GABRR3: variants seen among roughly 807,000 people sequenced by gnomAD.
GABRR3 encodes gamma-aminobutyric acid receptor subunit rho-3.
A neutral mutation model predicts 43.2 loss-of-function variants in GABRR3; 29 were observed. That is an observed-to-expected ratio of 0.67 (90% CI 0.50 to 0.92). The LOEUF (loss-of-function observed/expected upper bound fraction) is 0.92, where lower values mean the gene tolerates loss of function less well. GABRR3 is among the 40% of genes least tolerant of loss of function. The probability of loss-of-function intolerance (pLI) is 0.00; values close to 1 mark genes in which losing one functional copy is unlikely to be tolerated. For synonymous variants in GABRR3, 206 were observed against 195.9 expected (o/e 1.05, Z -0.43); for missense variants, 576 against 572.3 (o/e 1.01, Z -0.07).
chr3:98,031,335 T>A (rs575705599), intron 2 of GABRR3, among the ~76,000 whole-genome samples: 1 of 152,130 alleles, frequency 6.6e-6, no homozygotes, highest in Non-Finnish European at 1.5e-5. Context: ...CAGACATTTT[T>A]AAAAAATGGT....
At chr3:98,007,125 A>T (rs1269144184) in intron 7 of GABRR3, among the ~76,000 whole-genome samples, 3 of 152,138 alleles carry the variant, frequency 2.0e-5, no homozygotes, top group Admixed American at 6.5e-5. Flanking sequence ...AGGTGATGGT[A>T]AGTGCTGTGA....
At chr3:98,023,833 C>G (rs1706980584) in intron 3 of GABRR3, among the ~76,000 whole-genome samples, 1 of 152,190 alleles carries the variant, frequency 6.6e-6, no homozygotes, top group African/African-American at 2.4e-5. Flanking sequence ...ACAGTGATCA[C>G]CTAATACAGC....
At chr3:98,020,687 G>C (rs554521651) in intron 3 of GABRR3, among the ~76,000 whole-genome samples, 1 of 151,966 alleles carries the variant, frequency 6.6e-6, no homozygotes. Context: ...TTTGAAGGCT[G>C]ATCTGAGATC....
chr3:98,027,344 A>G (rs1445150385), intron 2 of GABRR3, among the ~76,000 whole-genome samples: 1 of 152,248 alleles, frequency 6.6e-6, no homozygotes, highest in African/African-American at 2.4e-5. Context: ...AGAAAATAGT[A>G]GACATTTAAT....
chr3:98,006,720 T>C (rs528394382), intron 7 of GABRR3, among the ~76,000 whole-genome samples: 6 of 152,288 alleles, frequency 3.9e-5, no homozygotes, highest in Non-Finnish European at 7.4e-5. Flanking sequence ...TTTATATGGA[T>C]TCGGCCTAAA....
chr3:98,002,557 A>G (rs1019269737), intron 7 of GABRR3, among the ~76,000 whole-genome samples: 1 of 152,178 alleles, frequency 6.6e-6, no homozygotes, highest in African/African-American at 2.4e-5. Context: ...ACCAGGATAT[A>G]TATAATACCT....
chr3:98,013,139 CATAT>C (rs1576044576), intron 4 of GABRR3, among the ~76,000 whole-genome samples: 1 of 152,156 alleles, frequency 6.6e-6, no homozygotes, highest in East Asian at 1.9e-4. Context: ...AGATAGAAAG[CATAT>C]TGTGAAATGG....
At chr3:98,020,709 A>G (rs540281291) in intron 3 of GABRR3, among the ~76,000 whole-genome samples, 1 of 152,234 alleles carries the variant, frequency 6.6e-6, no homozygotes, top group African/African-American at 2.4e-5. Context: ...GGGTTAAAAC[A>G]TAGCTTGTCT....
intron 4 of GABRR3, among the ~76,000 whole-genome samples, chr3:98,016,054 G>A (rs763500329): frequency 1.3e-5 from 2 of 152,106 alleles, no homozygotes; most frequent in Non-Finnish European, 2.9e-5. Flanking sequence ...ATGTGCAGGG[G>A]AAACTGCCAC....
intron 2 of GABRR3, 36 bp from the exon 3 acceptor site, chr3:98,025,715 T>A: frequency 7.4e-7 from 1 of 1,342,968 alleles, no homozygotes; most frequent in South Asian, 1.3e-5. Context: ...ACTTCTGAGA[T>A]ACATATGCTT....
At chr3:98,008,255 A>T (rs1302989241) in intron 6 of GABRR3, among the ~76,000 whole-genome samples, 2 of 152,144 alleles carry the variant, frequency 1.3e-5, no homozygotes, top group Non-Finnish European at 2.9e-5. Context: ...CACAGGCCTG[A>T]CTCCAGGCTG....
intron 2 of GABRR3, among the ~76,000 whole-genome samples, chr3:98,029,523 G>A (rs1405911402): frequency 6.6e-6 from 1 of 152,022 alleles, no homozygotes; most frequent in Non-Finnish European, 1.5e-5. Context: ...TTTATAAGTG[G>A]AATGATAAAA....
intron 4 of GABRR3, 84 bp downstream of exon 4, chr3:98,017,571 T>C (rs970763486): frequency 1.1e-6 from 1 of 920,272 alleles, no homozygotes; most frequent in Non-Finnish European, 1.7e-6. Flanking sequence ...ATAATTAAAA[T>C]GATTTATTAA....
In GABRR3 at chr3:97,997,350, A is replaced by G. The variant is rs1427910358; in HGVS notation, c.907+4265T>C. Reference sequence around the variant, plus strand: ...GAAATCCCAAAAGATCAAAATCTCTAAAGTCTAAAATTCTAAAAATCACAG... The same window carrying G: ...GAAATCCCAAAAGATCAAAATCTCTGAAGTCTAAAATTCTAAAAATCACAG... On this transcript the variant is annotated intron_variant, in intron 8 of 9. Transcript: ENST00000621172. The G allele has an allele frequency of 4.6e-5, 7 of 152,320 alleles. No homozygotes were observed. The South Asian group carries it at 6.2e-4, about 14-fold the overall frequency. The allele number at this position is 152,320 out of a possible 1,614,324, so 9.4% of individuals were successfully genotyped here. A position where few individuals can be genotyped will look rare whatever the true frequency, so the allele number is the denominator to read the frequency against.
At chr3:97,988,988 TTGG>T (rs1559772432) in intron 9 of GABRR3, among the ~76,000 whole-genome samples, 2 of 140,736 alleles carry the variant, frequency 1.4e-5, no homozygotes, top group African/African-American at 2.7e-5. Flanking sequence ...GTGGTCATGG[TTGG>T]TGGTGTTGGT....
At chr3:98,013,799 G>T (rs769569524) in intron 4 of GABRR3, among the ~76,000 whole-genome samples, 2 of 152,210 alleles carry the variant, frequency 1.3e-5, no homozygotes, top group South Asian at 2.1e-4. Context: ...AATTGTGTGG[G>T]TTACTGCACA....
intron 4 of GABRR3, among the ~76,000 whole-genome samples, chr3:98,016,101 A>G (rs1391593840): frequency 6.6e-6 from 1 of 152,022 alleles, no homozygotes; most frequent in Non-Finnish European, 1.5e-5. Flanking sequence ...CTCTTTCACT[A>G]TCACAAGAAC....
intron 2 of GABRR3, among the ~76,000 whole-genome samples, chr3:98,029,149 C>T (rs148059290): frequency 1.3e-5 from 2 of 152,216 alleles, no homozygotes; most frequent in East Asian, 3.9e-4. Flanking sequence ...AATCTCAATT[C>T]GTGGGAGAGC....
intron 7 of GABRR3, among the ~76,000 whole-genome samples, chr3:98,006,566 G>A (rs528293101): frequency 6.6e-6 from 1 of 152,304 alleles, no homozygotes; most frequent in Admixed American, 6.5e-5. Context: ...AGAACAGAGT[G>A]GAGAATCTTT....
Sources: gnomAD v4.1 joint callset for allele counts (sites outside exome capture counted in the v4.1 genomes callset) on GRCh38, gnomAD v4.1.1 for gene constraint, MANE v1.5 for transcripts, NCBI Gene and HGNC (gene_info 2026-07-23, HGNC 2026-07-21) for gene names.